USP12: variants seen among roughly 807,000 people sequenced by gnomAD.
The protein encoded by USP12 is ubiquitin specific peptidase 12, also known as ubiquitin carboxyl-terminal hydrolase 12.
A neutral mutation model predicts 45.5 loss-of-function variants in USP12; 19 were observed. That is an observed-to-expected ratio of 0.42 (90% CI 0.29 to 0.61). The LOEUF (loss-of-function observed/expected upper bound fraction) is 0.61, where lower values mean the gene tolerates loss of function less well. Ranked by LOEUF, USP12 falls within the 20% of genes least tolerant of loss-of-function variation. The pLI, the probability that USP12 is intolerant of heterozygous loss-of-function variation, is 0.22. For synonymous variants in USP12, 149 were observed against 148.8 expected (o/e 1.00, Z -0.01); for missense variants, 242 against 447.7 (o/e 0.54, Z 4.15).
At chr13:27,158,739 A>G (rs116162228) in intron 1 of USP12, among the ~76,000 whole-genome samples, 77 of 152,056 alleles carry the variant, frequency 5.1e-4, no homozygotes, top group African/African-American at 1.7e-3. Context: ...GCCCTAGGAA[A>G]CTAATAAAAT....
intron 6 of USP12, chr13:27,089,429 CGATGAT>C (rs951889928): frequency 8.5e-5 from 13 of 153,404 alleles, no homozygotes; most frequent in African/African-American, 2.7e-4. Context: ...TAAGAAGTAA[CGATGAT>C]GATGATGTTT....
At chr13:27,099,458 A>C (rs1874759308) in intron 3 of USP12, among the ~76,000 whole-genome samples, 1 of 152,036 alleles carries the variant, frequency 6.6e-6, no homozygotes, top group Non-Finnish European at 1.5e-5. Flanking sequence ...TTCATAAACA[A>C]TTACTTCCCA....
At chr13:27,124,686 G>A (rs990632240) in intron 1 of USP12, among the ~76,000 whole-genome samples, 2 of 152,172 alleles carry the variant, frequency 1.3e-5, no homozygotes, top group African/African-American at 2.4e-5. Context: ...TGGAGGCACA[G>A]GAAGCAGCCC....
intron 4 of USP12, among the ~76,000 whole-genome samples, chr13:27,091,563 G>A (rs1419997574): frequency 2.0e-5 from 3 of 152,144 alleles, no homozygotes; most frequent in Non-Finnish European, 4.4e-5. Context: ...GGACTAATAT[G>A]TCCTAATGTC....
chr13:27,135,663 C>T (rs1449576064), intron 1 of USP12, among the ~76,000 whole-genome samples: 1 of 151,968 alleles, frequency 6.6e-6, no homozygotes, highest in Non-Finnish European at 1.5e-5. Context: ...TGCAGTATGC[C>T]GAGATTGCGC....
At chr13:27,136,016 A>C (rs1876787297) in intron 1 of USP12, among the ~76,000 whole-genome samples, 1 of 152,178 alleles carries the variant, frequency 6.6e-6, no homozygotes, top group African/African-American at 2.4e-5. Flanking sequence ...TCAAAATATT[A>C]TTTTAAACAG....
intron 4 of USP12, among the ~76,000 whole-genome samples, chr13:27,092,036 T>C (rs1874340258): frequency 6.6e-6 from 1 of 152,222 alleles, no homozygotes; most frequent in Non-Finnish European, 1.5e-5. Context: ...TTGCCAGTCT[T>C]CATTACCATA....
At position 27,171,640 on chromosome 13, in the gene USP12, C is replaced by T; in HGVS notation, c.-1G>A. On this transcript the variant is annotated 5_prime_UTR_variant, in exon 1 of 9. Coordinates refer to ENST00000282344, the MANE Select transcript of USP12 (RefSeq NM_182488.4). Reference sequence around the variant, plus strand: ...TGGAGACTGTCATTAGGATTTCCATCCGGCCAGCGCCATCTTCCACCCAAT... The same window carrying T: ...TGGAGACTGTCATTAGGATTTCCATTCGGCCAGCGCCATCTTCCACCCAAT... 7.8e-7 allele frequency: 1 copy of T among 1,286,066 alleles called. No homozygotes were observed. The allele number at this position is 1,286,066 out of a possible 1,614,324, so 79.7% of individuals were successfully genotyped here. A position where few individuals can be genotyped will look rare whatever the true frequency, so the allele number is the denominator to read the frequency against.
intron 8 of USP12, among the ~76,000 whole-genome samples, chr13:27,070,180 A>G (rs1034987973): frequency 4.6e-5 from 7 of 152,246 alleles, no homozygotes; most frequent in Admixed American, 3.3e-4. Context: ...AAATATATCA[A>G]TGAGTGAATA....
In USP12 at chr13:27,105,783, C is replaced by T; in HGVS notation, c.291G>A (p.Lys97=). The change falls in exon 3 of 9, where the codon AAG becomes AAA. Residue 97 remains lysine (K), a synonymous_variant. Transcript: ENST00000282344. ...LFHSIATQKK[K]VGVIPPKKFI... is the part of the protein sequence containing the mutation. ...ACTTCTTAGGGGGTATTACTCCAAC[C>T]TTTTTCTTCTGAGTGGCTATGCTAT... is the stretch of plus-strand genomic sequence containing the variant. 6.2e-7 allele frequency: 1 copy of T among 1,613,746 alleles called. No homozygotes were observed.
chr13:27,144,747 GT>G (rs145310848), intron 1 of USP12, among the ~76,000 whole-genome samples: 46,236 of 145,170 alleles, frequency 0.32, 7,526 homozygotes, highest in Non-Finnish European at 0.36. Context: ...GTTTTTTGTT[GT>G]TTTTTTTTTT....
At chr13:27,097,078 A>G (rs2497961) in intron 3 of USP12, among the ~76,000 whole-genome samples, 148,455 of 151,766 alleles carry the variant, frequency 0.98, 72,686 homozygotes, top group East Asian at 1. Context: ...ACCAAACTGG[A>G]CAATCTTATA....
intron 2 of USP12, among the ~76,000 whole-genome samples, chr13:27,112,514 TG>T (rs1875504855): frequency 6.6e-6 from 1 of 152,060 alleles, no homozygotes; most frequent in African/African-American, 2.4e-5. Context: ...CTCAGATTTC[TG>T]GGCTCAAAGC....
chr13:27,069,469 G>GT, intron 8 of USP12, 85 bp from the exon 9 acceptor site: 1 of 985,430 alleles, frequency 1.0e-6, no homozygotes, highest in Admixed American at 2.0e-5. Context: ...ACAATACCAA[G>GT]TATTTGGTGA....
At chr13:27,101,908 G>A (rs770879332) in intron 3 of USP12, among the ~76,000 whole-genome samples, 11 of 152,234 alleles carry the variant, frequency 7.2e-5, no homozygotes, top group Admixed American at 6.5e-5. Context: ...CACATGAAAC[G>A]CTGCTTGTCC....
At chr13:27,092,698 T>C (rs1874373117) in intron 4 of USP12, among the ~76,000 whole-genome samples, 1 of 152,198 alleles carries the variant, frequency 6.6e-6, no homozygotes, top group South Asian at 2.1e-4. Context: ...AACTTTCTAA[T>C]ACCTTATACA....
intron 1 of USP12, among the ~76,000 whole-genome samples, chr13:27,146,442 T>C (rs147340635): frequency 0.011 from 1,599 of 151,428 alleles, 15 homozygotes; most frequent in Non-Finnish European, 0.015. Flanking sequence ...GGCTAAAGGC[T>C]AGGGGTATAA....
At chr13:27,086,032 C>T (rs890662743) in intron 6 of USP12, among the ~76,000 whole-genome samples, 5 of 151,066 alleles carry the variant, frequency 3.3e-5, no homozygotes, top group African/African-American at 7.3e-5. Context: ...TATTCAGGCA[C>T]GGTGGCACAC....
At chr13:27,106,767 G>T (rs939366584) in intron 2 of USP12, among the ~76,000 whole-genome samples, 8 of 151,764 alleles carry the variant, frequency 5.3e-5, no homozygotes, top group African/African-American at 1.9e-4. Context: ...TAGGAGAAGA[G>T]GAAAAATAAT....
Sources: gnomAD v4.1 joint callset for allele counts (sites outside exome capture counted in the v4.1 genomes callset) on GRCh38, gnomAD v4.1.1 for gene constraint, MANE v1.5 for transcripts, NCBI Gene and HGNC (gene_info 2026-07-23, HGNC 2026-07-21) for gene names.